SPMIP2: variants seen among roughly 807,000 people sequenced by gnomAD.
The protein encoded by SPMIP2 is sperm microtubule inner protein 2.
At chr4:159,002,729 T>C in the SPMIP2 span, among the ~76,000 whole-genome samples, 2 of 152,082 alleles carry the variant, frequency 1.3e-5, no homozygotes, top group Non-Finnish European at 2.9e-5. Flanking sequence ...TTTCACTAAA[T>C]TGCTTTTGCA....
chr4:158,914,758 T>C, the SPMIP2 span, among the ~76,000 whole-genome samples: 1 of 152,200 alleles, frequency 6.6e-6, no homozygotes, highest in Admixed American at 6.5e-5. Flanking sequence ...TTGCCCAAGA[T>C]TCCATAAATA....
the SPMIP2 span, chr4:158,893,823 C>G: frequency 2.7e-6 from 2 of 729,436 alleles, no homozygotes; most frequent in Admixed American, 5.3e-5. Flanking sequence ...CAGTTGATAT[C>G]TTGGTTATCA....
the SPMIP2 span, among the ~76,000 whole-genome samples, chr4:158,908,402 A>G: frequency 6.6e-6 from 1 of 152,236 alleles, no homozygotes; most frequent in African/African-American, 2.4e-5. Context: ...TACATAAAAA[A>G]CACAATGTAT....
chr4:159,050,769 T>G, the SPMIP2 span, among the ~76,000 whole-genome samples: 59 of 150,710 alleles, frequency 3.9e-4, no homozygotes, highest in African/African-American at 1.3e-3. Context: ...ACATGCTAAC[T>G]TGGGTGACAG....
chr4:159,000,548 G>T, the SPMIP2 span, among the ~76,000 whole-genome samples: 1 of 144,796 alleles, frequency 6.9e-6, no homozygotes, highest in Non-Finnish European at 1.5e-5. Flanking sequence ...AGGCTGGAGT[G>T]CACTGGTGCA....
the SPMIP2 span, among the ~76,000 whole-genome samples, chr4:158,976,938 G>T: frequency 6.6e-6 from 1 of 152,042 alleles, no homozygotes; most frequent in South Asian, 2.1e-4. Flanking sequence ...GGGATTACAG[G>T]CATGAGCCAC....
chr4:159,026,447 A>C, the SPMIP2 span: 8 of 920,466 alleles, frequency 8.7e-6, no homozygotes, highest in South Asian at 5.2e-5. Context: ...ATAACAAGAA[A>C]ATTGAAAGAT....
chr4:159,017,356 T>TACACACACACACACACAC, the SPMIP2 span, among the ~76,000 whole-genome samples: 220 of 149,412 alleles, frequency 1.5e-3, 1 homozygote, highest in African/African-American at 5.2e-3. Flanking sequence ...CACAAACACA[T>TACACACACACACACACAC]ACACACACAC....
chr4:159,040,373 G>A, the SPMIP2 span, among the ~76,000 whole-genome samples: 8 of 151,938 alleles, frequency 5.3e-5, no homozygotes, highest in East Asian at 1.9e-4. Context: ...GGGTTTCACC[G>A]TGTTAGCCAG....
At chr4:159,018,531 G>A in the SPMIP2 span, among the ~76,000 whole-genome samples, 12 of 152,282 alleles carry the variant, frequency 7.9e-5, no homozygotes, top group South Asian at 1.2e-3. Flanking sequence ...ACTGATTAAT[G>A]ATATAAAACT....
At chr4:159,074,232 A>G in the SPMIP2 span, among the ~76,000 whole-genome samples, 5 of 152,144 alleles carry the variant, frequency 3.3e-5, no homozygotes, top group Admixed American at 3.3e-4. Context: ...CATGTGACAG[A>G]AACTTCAACT....
At chr4:158,933,478 A>G in the SPMIP2 span, among the ~76,000 whole-genome samples, 1 of 152,022 alleles carries the variant, frequency 6.6e-6, no homozygotes, top group Non-Finnish European at 1.5e-5. Flanking sequence ...CCACTTCTTC[A>G]TTTGCCCCTC....
At chr4:159,064,632 AT>A in the SPMIP2 span, among the ~76,000 whole-genome samples, 1 of 152,168 alleles carries the variant, frequency 6.6e-6, no homozygotes, top group Non-Finnish European at 1.5e-5. Flanking sequence ...TACAATGTCT[AT>A]GGTTTCCTCT....
At chr4:159,026,424 GA>G in the SPMIP2 span, 1 of 981,698 alleles carries the variant, frequency 1.0e-6, no homozygotes, top group Admixed American at 1.8e-5. Context: ...AGTGGGATGG[GA>G]AGAAAAGCAC....
At chr4:158,945,293 T>A in the SPMIP2 span, among the ~76,000 whole-genome samples, 1 of 152,202 alleles carries the variant, frequency 6.6e-6, no homozygotes, top group Non-Finnish European at 1.5e-5. Flanking sequence ...GTGACATGCA[T>A]AATACCCTGG....
chr4:158,972,022 C>T, the SPMIP2 span, among the ~76,000 whole-genome samples: 92 of 152,296 alleles, frequency 6.0e-4, no homozygotes, highest in Non-Finnish European at 9.9e-4. Context: ...ACCTCAAAGA[C>T]TGTGCTCCCA....
At chr4:159,028,386 A>G in the SPMIP2 span, among the ~76,000 whole-genome samples, 3 of 152,038 alleles carry the variant, frequency 2.0e-5, no homozygotes, top group East Asian at 5.8e-4. Context: ...GCTGGAGTGC[A>G]GTAGTGTGAT....
the SPMIP2 span, among the ~76,000 whole-genome samples, chr4:159,037,437 T>G: frequency 6.9e-6 from 1 of 144,600 alleles, no homozygotes; most frequent in Non-Finnish European, 1.5e-5. Flanking sequence ...CCTCCTGCTG[T>G]TCCTTCCTTT....
At chr4:158,913,125 G>A in the SPMIP2 span, among the ~76,000 whole-genome samples, 1 of 152,240 alleles carries the variant, frequency 6.6e-6, no homozygotes, top group African/African-American at 2.4e-5. Context: ...GGACTAAAGA[G>A]ACGTGATAAC....
Sources: gnomAD v4.1 joint callset for allele counts (sites outside exome capture counted in the v4.1 genomes callset) on GRCh38, gnomAD v4.1.1 for gene constraint, MANE v1.5 for transcripts, NCBI Gene and HGNC (gene_info 2026-07-23, HGNC 2026-07-21) for gene names.